The following LDB2 variants were observed in gnomAD, a reference collection of about 807,000 sequenced individuals.
LDB2 encodes the protein LIM domain-binding protein 2.
Under a neutral mutation model 44.3 loss-of-function variants are expected in LDB2, and 12 were observed. The observed-to-expected ratio is 0.27, with a 90% CI of 0.17 to 0.44. The LOEUF (loss-of-function observed/expected upper bound fraction) is 0.44, where lower values mean the gene tolerates loss of function less well. Ranked by LOEUF, LDB2 falls within the 20% of genes least tolerant of loss-of-function variation. The pLI, the probability that LDB2 is intolerant of heterozygous loss-of-function variation, is 1.00. For synonymous variants in LDB2, 164 were observed against 174.8 expected (o/e 0.94, Z 0.49); for missense variants, 344 against 473.5 (o/e 0.73, Z 2.54).
At chr4:16,659,206 G>A (rs545810446) in intron 2 of LDB2, among the ~76,000 whole-genome samples, 60 of 152,280 alleles carry the variant, frequency 3.9e-4, no homozygotes, top group African/African-American at 1.4e-3. Context: ...TGCATGTGTG[G>A]AAAAGGCCTG....
chr4:16,801,264 T>C (rs1433863817), intron 1 of LDB2, among the ~76,000 whole-genome samples: 2 of 152,152 alleles, frequency 1.3e-5, no homozygotes, highest in Non-Finnish European at 2.9e-5. Flanking sequence ...CTTTTCTCAT[T>C]GTGTTGCAAT....
chr4:16,633,284 T>A (rs1354837447), intron 2 of LDB2, among the ~76,000 whole-genome samples: 1 of 151,896 alleles, frequency 6.6e-6, no homozygotes, highest in South Asian at 2.1e-4. Context: ...CCAGGGCCTG[T>A]CATGGGGTGG....
At chr4:16,538,176 C>T (rs967381572) in intron 5 of LDB2, among the ~76,000 whole-genome samples, 2 of 152,130 alleles carry the variant, frequency 1.3e-5, no homozygotes, top group African/African-American at 4.8e-5. Flanking sequence ...CAGCAAAAGA[C>T]AAAAGTGTAA....
At chr4:16,803,154 T>C (rs1436880557) in intron 1 of LDB2, among the ~76,000 whole-genome samples, 1 of 152,184 alleles carries the variant, frequency 6.6e-6, no homozygotes, top group Admixed American at 6.5e-5. Flanking sequence ...TGGGCGAATA[T>C]CACTAAATTT....
chr4:16,695,342 C>T (rs1332881158), intron 2 of LDB2, among the ~76,000 whole-genome samples: 1 of 151,886 alleles, frequency 6.6e-6, no homozygotes, highest in East Asian at 1.9e-4. Flanking sequence ...ACCAGCCTGG[C>T]CAACATGGTG....
At chr4:16,600,095 C>T (rs1017145569) in intron 2 of LDB2, among the ~76,000 whole-genome samples, 1 of 152,126 alleles carries the variant, frequency 6.6e-6, no homozygotes, top group Non-Finnish European at 1.5e-5. Context: ...CTGCAGTCAA[C>T]CATGCCACTG....
At chr4:16,801,991 C>G (rs2109757161) in intron 1 of LDB2, among the ~76,000 whole-genome samples, 1 of 152,342 alleles carries the variant, frequency 6.6e-6, no homozygotes, top group East Asian at 1.9e-4. Flanking sequence ...TTTTAGCTCT[C>G]TCTTTCCAAA....
intron 1 of LDB2, among the ~76,000 whole-genome samples, chr4:16,890,065 C>T (rs543693098): frequency 3.3e-5 from 5 of 152,242 alleles, no homozygotes; most frequent in South Asian, 2.1e-4. Flanking sequence ...ACAAAGAAAG[C>T]CATATATTCG....
chr4:16,887,045 A>G (rs921510131), intron 1 of LDB2, among the ~76,000 whole-genome samples: 6 of 150,714 alleles, frequency 4.0e-5, no homozygotes, highest in South Asian at 2.1e-4. Context: ...AAAAAAAAAA[A>G]AAAAAAAAAA....
chr4:16,827,746 T>A (rs952763867), intron 1 of LDB2, among the ~76,000 whole-genome samples: 3 of 152,140 alleles, frequency 2.0e-5, no homozygotes, highest in Admixed American at 2.0e-4. Context: ...TTTGCACATA[T>A]GTCTATGCTT....
intron 5 of LDB2, among the ~76,000 whole-genome samples, chr4:16,556,886 A>C (rs545988755): frequency 6.6e-6 from 1 of 152,348 alleles, no homozygotes; most frequent in East Asian, 1.9e-4. Context: ...TGGGGGAGGC[A>C]GATTCTAAAA....
chr4:16,778,375 TC>T (rs1161530050), intron 1 of LDB2, among the ~76,000 whole-genome samples: 1 of 152,162 alleles, frequency 6.6e-6, no homozygotes, highest in Non-Finnish European at 1.5e-5. Context: ...TATAAAACTT[TC>T]TGCATAATTC....
chr4:16,760,731 A>G (rs1241378986), intron 1 of LDB2, among the ~76,000 whole-genome samples: 3 of 152,134 alleles, frequency 2.0e-5, no homozygotes, highest in African/African-American at 7.2e-5. Flanking sequence ...TTCACTCCAC[A>G]TCTGAGACCG....
chr4:16,686,650 T>C (rs550568724), intron 2 of LDB2, among the ~76,000 whole-genome samples: 22 of 152,186 alleles, frequency 1.4e-4, no homozygotes, highest in Non-Finnish European at 2.6e-4. Flanking sequence ...ACTGTCAGAA[T>C]CCAAGTCAGG....
intron 7 of LDB2, among the ~76,000 whole-genome samples, chr4:16,507,751 T>TTGGG (rs1720106802): frequency 6.6e-6 from 1 of 151,938 alleles, no homozygotes; most frequent in Non-Finnish European, 1.5e-5. Flanking sequence ...GCAAAGTACT[T>TTGGG]AAAGGAGATA....
At chr4:16,560,997 A>G (rs1741956143) in intron 5 of LDB2, among the ~76,000 whole-genome samples, 1 of 152,126 alleles carries the variant, frequency 6.6e-6, no homozygotes, top group South Asian at 2.1e-4. Context: ...TGCAGAAAAG[A>G]CCTTTGACAA....
chr4:16,673,896 T>G (rs1250463461), intron 2 of LDB2, among the ~76,000 whole-genome samples: 1 of 152,140 alleles, frequency 6.6e-6, no homozygotes, highest in East Asian at 1.9e-4. Flanking sequence ...AATGAGAACA[T>G]TTCTCCCTCT....
intron 5 of LDB2, among the ~76,000 whole-genome samples, chr4:16,520,393 G>A (rs1347263767): frequency 2.6e-5 from 4 of 152,036 alleles, no homozygotes; most frequent in Admixed American, 6.6e-5. Context: ...GCTCTGAAGA[G>A]GAAGAACAAG....
chr4:16,725,833 C>T (rs1759310305), intron 2 of LDB2, among the ~76,000 whole-genome samples: 1 of 150,742 alleles, frequency 6.6e-6, no homozygotes, highest in Non-Finnish European at 1.5e-5. Context: ...ATAGCCATTG[C>T]TTGTTCTCAT....
Sources: allele counts gnomAD v4.1 joint callset (sites outside exome capture counted in the v4.1 genomes callset), GRCh38; gene constraint gnomAD v4.1.1; transcripts MANE v1.5; gene names NCBI Gene and HGNC (gene_info 2026-07-23, HGNC 2026-07-21).